ZNF521: variants seen among roughly 807,000 people sequenced by gnomAD.
The protein encoded by ZNF521 is LYST-interacting protein 3.
ZNF521 carries 14 observed loss-of-function variants against 105.5 expected under a neutral mutation model. That is an observed-to-expected ratio of 0.13 (90% CI 0.09 to 0.21). The LOEUF is 0.21. ZNF521 is among the 10% of genes least tolerant of loss of function. The pLI is 1.00. For synonymous variants in ZNF521, 635 were observed against 606.0 expected, an observed-to-expected ratio of 1.05 and a Z score of -0.70; for missense variants, 1,233 against 1,629.7, an observed-to-expected ratio of 0.76 and a Z score of 4.19.
chr18:25,297,816 CTGAGA>C lies in ZNF521; in HGVS notation c.220+24187_220+24191del, dbSNP rs139089269. ...TTTAGTCTTTATTTCTGCTAGAAGACTGAGATGAGTTTCAAATACTTCCCTTTTTA... is the reference window on the plus strand; with the variant it reads ...TTTAGTCTTTATTTCTGCTAGAAGACTGAGTTTCAAATACTTCCCTTTTTA... On this transcript the variant is annotated intron_variant, in intron 3 of 7. Coordinates refer to ENST00000361524, the MANE Select transcript of ZNF521 (RefSeq NM_015461.3). Among the ~76,000 whole-genome samples the C allele has an allele frequency of 3.4e-3, 524 of 152,286 alleles. 1 individual carries two copies. The highest frequency in any genetic ancestry group is 0.012 in the African/African-American group (506 of 41,566).
intron 3 of ZNF521, among the ~76,000 whole-genome samples, chr18:25,295,633 A>G (rs1268535746): frequency 6.6e-6 from 1 of 152,154 alleles, no homozygotes; most frequent in Non-Finnish European, 1.5e-5. Context: ...AAAAAAGTAA[A>G]TATTTTTAAA....
At chr18:25,095,773 A>T (rs1171602497) in intron 5 of ZNF521, among the ~76,000 whole-genome samples, 1 of 152,252 alleles carries the variant, frequency 6.6e-6, no homozygotes, top group Non-Finnish European at 1.5e-5. Context: ...CTAGCCACGT[A>T]TGTACAAAAA....
chr18:25,129,961 A>G lies in ZNF521; in HGVS notation c.3659-37880T>C, dbSNP rs149582178. ...ATAAAGCTAAGCATAATATTAACAT[A>G]TTATTTCAGCAATTGAGCTCCTAGG... On this transcript the variant is annotated intron_variant, in intron 5 of 7. Coordinates refer to ENST00000361524, the MANE Select transcript of ZNF521 (RefSeq NM_015461.3). Among the ~76,000 whole-genome samples the G allele has an allele frequency of 3.9e-5, 6 of 152,266 alleles. No homozygotes were observed. The East Asian group carries it at 1.2e-3, about 29-fold the overall frequency.
At chr18:25,323,863 C>T (rs77843702) in intron 2 of ZNF521, among the ~76,000 whole-genome samples, 2 of 151,782 alleles carry the variant, frequency 1.3e-5, no homozygotes. Flanking sequence ...ACCCTTCCAA[C>T]GATTCACATA....
intron 2 of ZNF521, among the ~76,000 whole-genome samples, chr18:25,334,803 C>A (rs115410080): frequency 6.6e-6 from 1 of 152,152 alleles, no homozygotes; most frequent in South Asian, 2.1e-4. Flanking sequence ...ATAAAACATG[C>A]AGGCCTCCCC....
intron 2 of ZNF521, among the ~76,000 whole-genome samples, chr18:25,325,980 A>G (rs1380082323): frequency 6.6e-6 from 1 of 152,164 alleles, no homozygotes; most frequent in African/African-American, 2.4e-5. Flanking sequence ...CTGTGGGGAA[A>G]ATGAAAAATT....
chr18:25,283,928 C>T (rs916396296), intron 3 of ZNF521, among the ~76,000 whole-genome samples: 4 of 141,596 alleles, frequency 2.8e-5, no homozygotes, highest in Admixed American at 7.1e-5. Flanking sequence ...ACTTTCCCCC[C>T]CCCCCAAAAA....
At chr18:25,316,847 C>CTTTT (rs200212987) in intron 3 of ZNF521, among the ~76,000 whole-genome samples, 3 of 126,978 alleles carry the variant, frequency 2.4e-5, no homozygotes, top group Admixed American at 8.1e-5. Flanking sequence ...GCAAGTAAGA[C>CTTTT]TTTTTTTTTT....
chr18:25,159,380 A>C lies in ZNF521; in HGVS notation c.3658+35780T>G, dbSNP rs144114122. Among the ~76,000 whole-genome samples the C allele has an allele frequency of 7.9e-5, 12 of 152,334 alleles. No individual in the cohort carries two copies. The East Asian group carries it at 2.3e-3, about 29-fold the overall frequency. ...AATATCCTGGGGGCAGGGTAGAAAG[A>C]AATTGTGATCTAAAGAAAGACATAC... is the stretch of plus-strand genomic sequence containing the variant. On this transcript the variant is annotated intron_variant, in intron 5 of 7. Coordinates refer to ENST00000361524, the MANE Select transcript of ZNF521 (RefSeq NM_015461.3).
At chr18:25,230,256 C>T (rs945653079) in intron 3 of ZNF521, among the ~76,000 whole-genome samples, 3 of 152,164 alleles carry the variant, frequency 2.0e-5, no homozygotes, top group Admixed American at 6.5e-5. Context: ...AGGAATAATA[C>T]TTATAGAAAA....
chr18:25,167,161 A>C (rs1426299978), intron 5 of ZNF521, among the ~76,000 whole-genome samples: 1 of 152,166 alleles, frequency 6.6e-6, no homozygotes, highest in African/African-American at 2.4e-5. Flanking sequence ...ACCAAATGGT[A>C]ATCAATATGG....
chr18:25,222,104 C>G (rs899466571), intron 4 of ZNF521, among the ~76,000 whole-genome samples: 1 of 152,110 alleles, frequency 6.6e-6, no homozygotes, highest in South Asian at 2.1e-4. Flanking sequence ...AAGCATACCA[C>G]TCTAAGCTCT....
chr18:25,117,773 A>T (rs1600055904), intron 5 of ZNF521, among the ~76,000 whole-genome samples: 1 of 152,242 alleles, frequency 6.6e-6, no homozygotes, highest in African/African-American at 2.4e-5. Context: ...TAATATCAAC[A>T]CATGGGTAAC....
chr18:25,077,030 C>T (rs566342203), intron 7 of ZNF521, among the ~76,000 whole-genome samples: 2 of 152,348 alleles, frequency 1.3e-5, no homozygotes, highest in South Asian at 2.1e-4. Flanking sequence ...AAATCCTACC[C>T]AGCCCTGTAA....
At chr18:25,080,084 C>T (rs749981353) in intron 7 of ZNF521, among the ~76,000 whole-genome samples, 5 of 152,184 alleles carry the variant, frequency 3.3e-5, no homozygotes, top group South Asian at 2.1e-4. Context: ...GCAGGGATCA[C>T]GCAGGAAAGA....
chr18:25,301,788 C>T (rs79420661), intron 3 of ZNF521, among the ~76,000 whole-genome samples: 4,197 of 152,218 alleles, frequency 0.028, 100 homozygotes, highest in East Asian at 0.094. Flanking sequence ...TTTGCAGAGT[C>T]CATTTAGTTA....
intron 4 of ZNF521, chr18:25,223,920 A>AAT (rs1171526594): frequency 1.3e-5 from 3 of 229,382 alleles, no homozygotes; most frequent in Non-Finnish European, 2.6e-5. Flanking sequence ...GTTATCCCCA[A>AAT]ATATATATAT....
At chr18:25,344,506 T>C (rs966445609) in intron 2 of ZNF521, among the ~76,000 whole-genome samples, 1 of 152,160 alleles carries the variant, frequency 6.6e-6, no homozygotes, top group Non-Finnish European at 1.5e-5. Context: ...AACAGGAACA[T>C]TTCAGATTTA....
chr18:25,176,599 TGAA>T (rs2144577014), intron 5 of ZNF521, among the ~76,000 whole-genome samples: 2 of 152,326 alleles, frequency 1.3e-5, no homozygotes, highest in African/African-American at 4.8e-5. Context: ...GGAATGCTGA[TGAA>T]GGAGAGGGAC....
Sources: gnomAD v4.1 joint callset for allele counts (sites outside exome capture counted in the v4.1 genomes callset) on GRCh38, gnomAD v4.1.1 for gene constraint, MANE v1.5 for transcripts, NCBI Gene and HGNC (gene_info 2026-07-23, HGNC 2026-07-21) for gene names.